Variants in ZC3H12D observed in about 807,000 individuals in gnomAD.
The protein encoded by ZC3H12D is zinc finger CCCH-type containing 12D.
A neutral mutation model predicts 24.2 loss-of-function variants in ZC3H12D; 11 were observed. That is an observed-to-expected ratio of 0.46 (90% confidence interval 0.29 to 0.75). The LOEUF (loss-of-function observed/expected upper bound fraction) is 0.75. Ranked by LOEUF, ZC3H12D falls within the 30% of genes least tolerant of loss-of-function variation. ZC3H12D has a pLI of 0.11. For missense variants in ZC3H12D, 740 were observed against 767.7 expected (o/e 0.96, Z 0.43); for synonymous variants, 333 against 341.8 (o/e 0.97, Z 0.28).
At chr6:149,469,319 G>C (rs1232313744) in intron 2 of ZC3H12D, among the ~76,000 whole-genome samples, 2 of 152,178 alleles carry the variant, frequency 1.3e-5, no homozygotes, top group Non-Finnish European at 2.9e-5. Flanking sequence ...TTAGCTGGAC[G>C]TGGTGGCGGG....
chr6:149,456,624 C>T lies in ZC3H12D; in HGVS notation c.680+42G>A. The T allele has an allele frequency of 1.5e-6, 2 of 1,332,596 alleles. No homozygotes were observed. The highest frequency in any genetic ancestry group is 1.4e-5 in the African/African-American group (1 of 69,658). The allele number at this position is 1,332,596 out of a possible 1,614,324, so 82.5% of individuals were successfully genotyped here. ...CCACTGCCTCGACCCCGGCCCCCCG[C>T]CCCGCCGCCCCCCAGGGTGTCAGGA... is the stretch of plus-strand genomic sequence containing the variant. On this transcript the variant is annotated intron_variant, in intron 4 of 5. Coordinates refer to ENST00000409806, the MANE Select transcript of ZC3H12D (RefSeq NM_207360.3). The surrounding 1 kb of genome is among the most constrained non-coding windows in gnomAD (Gnocchi z 4.3).
chr6:149,470,536 GA>G (rs67599681), intron 2 of ZC3H12D, among the ~76,000 whole-genome samples: 216 of 147,950 alleles, frequency 1.5e-3, no homozygotes, highest in African/African-American at 4.9e-3. Flanking sequence ...TCCGTCTGAA[GA>G]AAAAAAAAAT....
chr6:149,483,338 G>A (rs1002208055), intron 1 of ZC3H12D, among the ~76,000 whole-genome samples: 2 of 152,042 alleles, frequency 1.3e-5, no homozygotes, highest in Non-Finnish European at 2.9e-5. Flanking sequence ...TAAATTATAT[G>A]TAACATAAAA....
intron 1 of ZC3H12D, among the ~76,000 whole-genome samples, chr6:149,477,720 T>C (rs1440167806): frequency 6.6e-6 from 1 of 152,160 alleles, no homozygotes; most frequent in East Asian, 1.9e-4. Flanking sequence ...TATAAGTCTG[T>C]GAGATAAACA....
chr6:149,476,308 C>T (rs377574824), intron 1 of ZC3H12D, among the ~76,000 whole-genome samples: 2 of 152,152 alleles, frequency 1.3e-5, no homozygotes, highest in African/African-American at 4.8e-5. Flanking sequence ...AATTCGAGAC[C>T]GGCCTGGCCA....
chr6:149,456,980 G>GCTTCCC lies in ZC3H12D; in HGVS notation c.446-86_446-81dup. On this transcript the variant is annotated intron_variant, in intron 3 of 5. Coordinates refer to ENST00000409806, the MANE Select transcript of ZC3H12D (RefSeq NM_207360.3). This position sits in a 1 kb window ranked among gnomAD's most constrained non-coding sequence, Gnocchi z 4.3. ...AACCACCCCCAACGCGAGGCCACCC[G>GCTTCCC]CTTCCCGGGCCGGTCAGATGAGGTT... The GCTTCCC allele has an allele frequency of 7.2e-7, 1 of 1,392,526 alleles. No individual in the cohort carries two copies. The allele number at this position is 1,392,526 out of a possible 1,614,324, so 86.3% of individuals were successfully genotyped here. A position where few individuals can be genotyped will look rare whatever the true frequency, so the allele number is the denominator to read the frequency against.
chr6:149,456,636 CCAGGGTGT>C lies in ZC3H12D; in HGVS notation c.680+22_680+29del. On this transcript the variant is annotated intron_variant, in intron 4 of 5. Coordinates refer to ENST00000409806, the MANE Select transcript of ZC3H12D (RefSeq NM_207360.3). This position sits in a 1 kb window ranked among gnomAD's most constrained non-coding sequence, Gnocchi z 4.3. ...CCCCGGCCCCCCGCCCCGCCGCCCC[CCAGGGTGT>C]CAGGACCCCAGCCGGACCTACCGGT... 1 of 1,563,876 alleles carries C rather than the reference CCAGGGTGT, an allele frequency of 6.4e-7. No homozygotes were observed. The highest frequency in any genetic ancestry group is 8.8e-7 in the Non-Finnish European group (1 of 1,137,800).
At chr6:149,451,557 G>A (rs1168059964) in intron 5 of ZC3H12D, 78 bp from the exon 6 acceptor site, 2 of 1,290,104 alleles carry the variant, frequency 1.6e-6, no homozygotes, top group East Asian at 3.1e-5. Context: ...GTGCATCCGG[G>A]GAGTGCCGGC....
chr6:149,461,939 C>T lies in ZC3H12D; in HGVS notation c.337G>A (p.Gly113Arg), dbSNP rs2115005840. 2 of 1,612,032 alleles carry T rather than the reference C, an allele frequency of 1.2e-6. No individual in the cohort carries two copies. The highest frequency in any genetic ancestry group is 1.7e-6 in the Non-Finnish European group (2 of 1,179,212). The change falls in exon 3 of 6, where the codon GGA becomes AGA. Residue 113 changes from glycine to arginine, a missense_variant. Transcript: ENST00000409806. ...HGNKETFSCRGIKLAVDWFRD... is the reference protein window; with the variant it reads ...HGNKETFSCRRIKLAVDWFRD... ...AACCAGTCAACAGCCAGCTTGATTC[C>T]CCGGCAAGAGAAGGTTTCTTTATTT...
Position 149,461,867 on chromosome 6 carries a change from T to C in ZC3H12D, c.409A>G (p.Arg137Gly), listed in dbSNP as rs772981677. ...GTGTCAGCTCTTGGTGGGTCCTTCC[T>C]CCAGGATGGAACAAAAACTTTGATG... ...TYIKVFVPSW[R>G]KDPPRADTPI... Residue 137 changes from arginine to glycine, a missense_variant, in exon 3 of 6, where the codon AGG (arginine) becomes GGG (glycine). Physicochemically the swap from Arg to Gly is moderately radical, Grantham distance 125. Transcript: ENST00000409806. 7 of 1,579,742 alleles carry C rather than the reference T, an allele frequency of 4.4e-6. No homozygotes were observed. The highest frequency in any genetic ancestry group is 4.3e-6 in the Non-Finnish European group (5 of 1,162,532).
At chr6:149,459,636 G>A (rs1230403793) in intron 3 of ZC3H12D, 6 of 717,998 alleles carry the variant, frequency 8.4e-6, no homozygotes, top group Non-Finnish European at 1.6e-5. Context: ...CCTGGCAGCT[G>A]CTCCCAGGAG....
At chr6:149,465,858 C>CCG (rs1776152609) in intron 2 of ZC3H12D, among the ~76,000 whole-genome samples, 1 of 151,944 alleles carries the variant, frequency 6.6e-6, no homozygotes, top group African/African-American at 2.4e-5. Context: ...GGTCCTCACC[C>CCG]CACCCCCCAA....
chr6:149,456,623 G>GGGGGGGGGCC lies in ZC3H12D; in HGVS notation c.680+42_680+43insGGCCCCCCCC. On this transcript the variant is annotated intron_variant, in intron 4 of 5. Coordinates refer to ENST00000409806, the MANE Select transcript of ZC3H12D (RefSeq NM_207360.3). The surrounding 1 kb of genome is among the most constrained non-coding windows in gnomAD (Gnocchi z 4.3). ...GCCACTGCCTCGACCCCGGCCCCCC[G>GGGGGGGGGCC]CCCCGCCGCCCCCCAGGGTGTCAGG... is the stretch of plus-strand genomic sequence containing the variant. The GGGGGGGGGCC allele has an allele frequency of 1.3e-6, 1 of 744,584 alleles. No homozygotes were observed. The highest frequency in any genetic ancestry group is 2.2e-6 in the Non-Finnish European group (1 of 456,104). The allele number at this position is 744,584 out of a possible 1,614,324, so 46.1% of individuals were successfully genotyped here.
chr6:149,463,433 G>A (rs1359776847), intron 2 of ZC3H12D, among the ~76,000 whole-genome samples: 2 of 152,226 alleles, frequency 1.3e-5, no homozygotes, highest in African/African-American at 4.8e-5. Context: ...ATCTGAGGCC[G>A]GGCGTGGTGG....
At chr6:149,480,745 C>CAA (rs66946761) in intron 1 of ZC3H12D, among the ~76,000 whole-genome samples, 190 of 151,236 alleles carry the variant, frequency 1.3e-3, no homozygotes, top group African/African-American at 4.0e-3. Flanking sequence ...TCAAAAAAAA[C>CAA]AAAAAAAACA....
At chr6:149,482,016 G>A (rs1268454300) in intron 1 of ZC3H12D, among the ~76,000 whole-genome samples, 1 of 152,260 alleles carries the variant, frequency 6.6e-6, no homozygotes, top group Non-Finnish European at 1.5e-5. Flanking sequence ...GCCTGGAGGG[G>A]CGCAGGGACA....
At position 149,450,758 on chromosome 6, in the gene ZC3H12D, C is replaced by T; in HGVS notation, c.1509G>A (p.Glu503=). The T allele has an allele frequency of 6.5e-7, 1 of 1,549,288 alleles. No individual in the cohort carries two copies. Among genetic ancestry groups the T allele is most frequent in the Non-Finnish European group, 8.7e-7 (1 of 1,146,660 alleles). The part of the protein sequence containing the change: ...QVDRVMAAFP[E]LSDLARLILL... ...GGATGAGCCTGGCGAGGTCTGAGAG[C>T]TCCGGGAACGCGGCCATCACGCGGT... The change falls in exon 6 of 6, where the codon GAG becomes GAA. Residue 503 remains glutamate, a synonymous_variant. Coordinates refer to ENST00000409806, the MANE Select transcript of ZC3H12D (RefSeq NM_207360.3).
At chr6:149,479,370 A>T (rs1776388811) in intron 1 of ZC3H12D, among the ~76,000 whole-genome samples, 1 of 152,174 alleles carries the variant, frequency 6.6e-6, no homozygotes, top group Non-Finnish European at 1.5e-5. Flanking sequence ...TTAAAAAATA[A>T]AACTAAATTT....
intron 3 of ZC3H12D, among the ~76,000 whole-genome samples, chr6:149,459,354 T>C (rs1224629230): frequency 6.6e-6 from 1 of 152,176 alleles, no homozygotes; most frequent in Non-Finnish European, 1.5e-5. Context: ...ATAGTTCCAA[T>C]GTAATGAAAG....
Sources: gnomAD v4.1 joint callset for allele counts (sites outside exome capture counted in the v4.1 genomes callset) on GRCh38, gnomAD v4.1.1 for gene constraint, Gnocchi (gnomAD v3.1) non-coding constraint, MANE v1.5 for transcripts, NCBI Gene and HGNC (gene_info 2026-07-23, HGNC 2026-07-21) for gene names.